The following LAMC3 variants were observed in gnomAD, a reference collection of about 807,000 sequenced individuals.
LAMC3 encodes laminin subunit gamma 3.
Under a neutral mutation model 173.8 loss-of-function variants are expected in LAMC3, and 128 were observed. The observed-to-expected ratio is 0.74, with a 90% CI of 0.64 to 0.85. LAMC3 has a LOEUF of 0.85. Among genes scored for constraint, LAMC3 ranks in the 40% least tolerant of loss-of-function variants. LAMC3 has a pLI of 0.00. For synonymous variants in LAMC3, 897 were observed against 909.1 expected, an observed-to-expected ratio of 0.99 and a Z score of 0.24; for missense variants, 2,022 against 2,156.0, an observed-to-expected ratio of 0.94 and a Z score of 1.23.
chr9:131,039,297 G>A (rs1192619288), intron 6 of LAMC3, 49 bp downstream of exon 6: 5 of 1,472,162 alleles, frequency 3.4e-6, no homozygotes, highest in Non-Finnish European at 4.7e-6. Context: ...TGAATGACAA[G>A]AAGCAGGAGG....
rs539545409 is a variant in LAMC3 at position 131,041,677 on chromosome 9, G to A, written c.1324G>A (p.Asp442Asn). 35 of 1,614,110 alleles carry A rather than the reference G, an allele frequency of 2.2e-5. No individual in the cohort carries two copies. The South Asian group carries it at 3.5e-4, about 16-fold the overall frequency. ...TCCCGCTGGCAGCCTGGACACCTGT[G>A]ACCCCCGCAGTGGGCGCTGCCCCTG... is the stretch of plus-strand genomic sequence containing the variant. ...CNPAGSLDTCDPRSGRCPCKE... is the reference protein window; with the variant it reads ...CNPAGSLDTCNPRSGRCPCKE... Residue 442 changes from aspartate (D) to asparagine (N), a missense_variant, in exon 7 of 28, where the codon GAC becomes AAC. By Grantham distance (23) the Asp-to-Asn change is conservative (BLOSUM62 1). Coordinates refer to ENST00000361069, the MANE Select transcript of LAMC3 (RefSeq NM_006059.4).
intron 7 of LAMC3, among the ~76,000 whole-genome samples, chr9:131,045,230 A>AC: frequency 9.5e-6 from 1 of 105,808 alleles, no homozygotes; most frequent in East Asian, 2.5e-4. Context: ...TCAAAAAAAA[A>AC]AAAAAACAAC....
At chr9:131,088,352 A>G (rs1311626109) in intron 27 of LAMC3, among the ~76,000 whole-genome samples, 1 of 152,054 alleles carries the variant, frequency 6.6e-6, no homozygotes, top group Non-Finnish European at 1.5e-5. Context: ...GTGGTTTAGA[A>G]AGCGCTTACC....
At chr9:131,088,443 A>G (rs1374554554) in intron 27 of LAMC3, among the ~76,000 whole-genome samples, 1 of 152,128 alleles carries the variant, frequency 6.6e-6, no homozygotes, top group Non-Finnish European at 1.5e-5. Context: ...CTTAGCAAGG[A>G]GGCATTTTGG....
intron 4 of LAMC3, among the ~76,000 whole-genome samples, chr9:131,038,547 GA>G (rs1357312048): frequency 2.0e-5 from 3 of 152,220 alleles, no homozygotes; most frequent in African/African-American, 7.2e-5. Flanking sequence ...TGCCACTCCA[GA>G]AGGCAGCCAG....
chr9:131,032,583 GCT>G (rs1240861868), intron 3 of LAMC3, among the ~76,000 whole-genome samples: 1 of 57,256 alleles, frequency 1.7e-5, no homozygotes, highest in African/African-American at 6.0e-5. Flanking sequence ...TCTCTCGCTT[GCT>G]CTCTTTCTCA....
In LAMC3 at chr9:131,068,247, C is replaced by G; in HGVS notation, c.2747+16C>G. On this transcript the variant is annotated intron_variant, in intron 15 of 27. Transcript: ENST00000361069. The stretch of plus-strand genomic sequence containing the variant: ...GCTGCCGGAGGTAGGTAGGGTGAGA[C>G]TGCCGGTGCCCTGGGGACCTCTCCA... 1 of 1,604,978 alleles carries G rather than the reference C, an allele frequency of 6.2e-7. No individual in the cohort carries two copies. The highest frequency in any genetic ancestry group is 8.5e-7 in the Non-Finnish European group (1 of 1,175,790).
At chr9:131,047,841 T>G (rs1443518427) in intron 8 of LAMC3, among the ~76,000 whole-genome samples, 1 of 143,480 alleles carries the variant, frequency 7.0e-6, no homozygotes, top group Non-Finnish European at 1.6e-5. Flanking sequence ...CCAGCCTGAG[T>G]GACAGGGTGA....
At chr9:131,082,811 C>T (rs1399132864) in intron 24 of LAMC3, among the ~76,000 whole-genome samples, 1 of 152,216 alleles carries the variant, frequency 6.6e-6, no homozygotes, top group Admixed American at 6.5e-5. Flanking sequence ...ACACTCTGAA[C>T]CCCAGATGTC....
At position 131,009,236 on chromosome 9, in the gene LAMC3, C is replaced by T; in HGVS notation, c.22C>T (p.Leu8=). 1 of 1,253,222 alleles carries T rather than the reference C, an allele frequency of 8.0e-7. No individual in the cohort carries two copies. The highest frequency in any genetic ancestry group is 1.0e-6 in the Non-Finnish European group (1 of 1,003,584). The allele number at this position is 1,253,222 out of a possible 1,614,324, so 77.6% of individuals were successfully genotyped here. The change falls in exon 1 of 28, where the codon CTG becomes TTG. Residue 8 remains leucine (L), a synonymous_variant. Transcript: ENST00000361069. This position sits in a 1 kb window ranked among gnomAD's most constrained non-coding sequence, Gnocchi z 4.3. MAAAALL[L]GLALLAPRAA... is the part of the protein sequence containing the mutation. ...GACCATGGCGGCGGCTGCGCTTCTGCTGGGGCTGGCGCTGCTGGCACCGCG... is the reference window on the plus strand; with the variant it reads ...GACCATGGCGGCGGCTGCGCTTCTGTTGGGGCTGGCGCTGCTGGCACCGCG...
At chr9:131,011,380 A>G (rs973277334) in intron 1 of LAMC3, among the ~76,000 whole-genome samples, 5 of 152,242 alleles carry the variant, frequency 3.3e-5, no homozygotes, top group Non-Finnish European at 5.9e-5. Context: ...GAGCGTGGAC[A>G]TCCATGGACA....
chr9:131,091,926 C>CAA lies in LAMC3; in HGVS notation c.*139_*140insAA, dbSNP rs16404. 1.1e-5 allele frequency: 11 copies of CAA among 1,020,040 alleles called. No individual in the cohort carries two copies. The African/African-American group carries it at 1.5e-4, about 13-fold the overall frequency. 63.2% of individuals were successfully genotyped at this position (1,020,040 alleles called of 1,614,324 possible). ...GAACTCGCCCCCGTGTGGATAGTCA[C>CAA]TCCCTGCCGATTCTGTCTGTGGCTT... On this transcript the variant is annotated 3_prime_UTR_variant, in exon 28 of 28. Transcript: ENST00000361069.
At position 131,068,798 on chromosome 9, in the gene LAMC3, C is replaced by G. The variant is rs983484194; in HGVS notation, c.2748-110C>G. On this transcript the variant is annotated intron_variant, in intron 15 of 27. Transcript: ENST00000361069. ...GCCATGCACCGAGAGGAGATGGGGT[C>G]TTGTCAGCAGAGGGCTGTGATCTGA... 5 of 1,191,042 alleles carry G rather than the reference C, an allele frequency of 4.2e-6. No individual in the cohort carries two copies. The African/African-American group carries it at 7.6e-5, about 18-fold the overall frequency. The allele number at this position is 1,191,042 out of a possible 1,614,324, so 73.8% of individuals were successfully genotyped here. A position where few individuals can be genotyped will look rare whatever the true frequency, so the allele number is the denominator to read the frequency against.
intron 13 of LAMC3, among the ~76,000 whole-genome samples, chr9:131,066,191 T>C (rs1229263264): frequency 6.6e-6 from 1 of 150,446 alleles, no homozygotes; most frequent in Non-Finnish European, 1.5e-5. Flanking sequence ...CGAGACTGCA[T>C]CTCAAAAAAA....
At chr9:131,081,589 GC>G (rs1162307450) in intron 23 of LAMC3, among the ~76,000 whole-genome samples, 1 of 152,028 alleles carries the variant, frequency 6.6e-6, no homozygotes, top group Admixed American at 6.6e-5. Context: ...TCCCGCCTCA[GC>G]CTCCCCCAGT....
intron 1 of LAMC3, among the ~76,000 whole-genome samples, chr9:131,016,005 C>A (rs1193814591): frequency 6.6e-6 from 1 of 152,154 alleles, no homozygotes; most frequent in East Asian, 1.9e-4. Flanking sequence ...CCTAAGTGTC[C>A]ACCGAGGGGT....
Position 131,026,433 on chromosome 9 carries a change from C to T in LAMC3, c.522C>T (p.Pro174=), listed in dbSNP as rs2275136. The change falls in exon 2 of 28, where the codon CCC becomes CCT. Residue 174 remains proline (P), a synonymous_variant. Coordinates refer to ENST00000361069, the MANE Select transcript of LAMC3 (RefSeq NM_006059.4). The surrounding 1 kb of genome is among the most constrained non-coding windows in gnomAD (Gnocchi z 4.8). ...CCTGCCAGAAGACCTACGGCCGGCCCGAGGGCCAGTACCTGCGCCCCGGCG... is the reference window on the plus strand; with the variant it reads ...CCTGCCAGAAGACCTACGGCCGGCCTGAGGGCCAGTACCTGCGCCCCGGCG... ...SASCQKTYGR[P]EGQYLRPGED... is the part of the protein sequence containing the mutation. 2.0e-5 allele frequency: 33 copies of T among 1,613,664 alleles called. No individual in the cohort carries two copies. The African/African-American group carries it at 2.8e-4, about 14-fold the overall frequency.
chr9:131,061,308 C>T (rs1343010075), intron 13 of LAMC3, 85 bp downstream of exon 13: 2 of 1,248,006 alleles, frequency 1.6e-6, no homozygotes, highest in Non-Finnish European at 2.2e-6. Flanking sequence ...AGGGTTAGGG[C>T]CCTGGGTTTA....
In LAMC3 at chr9:131,070,705, C is replaced by T. The variant is rs1169734364; in HGVS notation, c.3070-779C>T. Reference sequence around the variant, plus strand: ...CTCCAGCCTGGGTGACAGAGCAAGACTCTGTCTAAAAAAAAAAAGATGCAT... The same window carrying T: ...CTCCAGCCTGGGTGACAGAGCAAGATTCTGTCTAAAAAAAAAAAGATGCAT... On this transcript the variant is annotated intron_variant, in intron 17 of 27. Transcript: ENST00000361069. Among the ~76,000 whole-genome samples the T allele has an allele frequency of 2.1e-4, 32 of 151,990 alleles. 1 individual carries two copies. Among genetic ancestry groups the T allele is most frequent in the Non-Finnish European group, 1.5e-5 (1 of 68,006 alleles).
Sources: allele counts gnomAD v4.1 joint callset (sites outside exome capture counted in the v4.1 genomes callset), GRCh38; gene constraint gnomAD v4.1.1; non-coding constraint Gnocchi (gnomAD v3.1); transcripts MANE v1.5; gene names NCBI Gene and HGNC (gene_info 2026-07-23, HGNC 2026-07-21).